Variants in SLC41A2 observed in about 807,000 individuals in gnomAD.
The protein encoded by SLC41A2 is SLC41A1-like 1.
Under a neutral mutation model 58.3 loss-of-function variants are expected in SLC41A2, and 32 were observed. The ratio of observed to expected loss-of-function variants is 0.55; its 90% CI spans 0.41 to 0.74. SLC41A2 has a LOEUF of 0.74. Among genes scored for constraint, SLC41A2 ranks in the 30% least tolerant of loss-of-function variants. The probability of loss-of-function intolerance (pLI) is 0.00; values close to 1 mark genes in which losing one functional copy is unlikely to be tolerated. For missense variants in SLC41A2, 514 were observed against 680.6 expected, an observed-to-expected ratio of 0.76 and a Z score of 2.72; for synonymous variants, 190 against 235.0, an observed-to-expected ratio of 0.81 and a Z score of 1.75.
At chr12:104,933,083 C>T (rs1308359956) in intron 1 of SLC41A2, among the ~76,000 whole-genome samples, 1 of 152,046 alleles carries the variant, frequency 6.6e-6, no homozygotes, top group Non-Finnish European at 1.5e-5. Context: ...AAACAATCAT[C>T]AGAGTAAACA....
At chr12:104,956,386 TA>T (rs1180309958) in intron 1 of SLC41A2, among the ~76,000 whole-genome samples, 1 of 152,100 alleles carries the variant, frequency 6.6e-6, no homozygotes, top group Non-Finnish European at 1.5e-5. Context: ...AATAAAAAGC[TA>T]AGCAACCCAG....
chr12:104,935,860 C>T (rs1036207681), intron 1 of SLC41A2, among the ~76,000 whole-genome samples: 7 of 151,966 alleles, frequency 4.6e-5, no homozygotes, highest in Non-Finnish European at 8.8e-5. Context: ...CTGGCCAACA[C>T]GGCGAAACCC....
At chr12:104,817,792 C>T (rs925644128) in intron 10 of SLC41A2, among the ~76,000 whole-genome samples, 4 of 151,368 alleles carry the variant, frequency 2.6e-5, no homozygotes, top group African/African-American at 9.7e-5. Context: ...AGATAACTAG[C>T]GTACACACTA....
At chr12:104,917,416 GC>G (rs2046375738) in intron 2 of SLC41A2, among the ~76,000 whole-genome samples, 1 of 152,188 alleles carries the variant, frequency 6.6e-6, no homozygotes, top group African/African-American at 2.4e-5. Context: ...AGACAGTGTG[GC>G]GATTCCTCGG....
intron 7 of SLC41A2, among the ~76,000 whole-genome samples, chr12:104,863,311 T>C (rs892164087): frequency 6.6e-6 from 1 of 152,108 alleles, no homozygotes; most frequent in Non-Finnish European, 1.5e-5. Context: ...GGTGCATGCC[T>C]GTAGTCCCGG....
intron 6 of SLC41A2, among the ~76,000 whole-genome samples, chr12:104,877,603 A>G (rs1253629388): frequency 6.6e-6 from 1 of 152,194 alleles, no homozygotes; most frequent in Non-Finnish European, 1.5e-5. Context: ...CAAATTATGT[A>G]TGCATCACTA....
At chr12:104,866,373 G>GATGT (rs2043445453) in intron 7 of SLC41A2, 59 bp downstream of exon 7, 1 of 1,436,140 alleles carries the variant, frequency 7.0e-7, no homozygotes, top group African/African-American at 1.7e-5. Context: ...CACAAAGACA[G>GATGT]ACAGACGTAC....
In SLC41A2 at chr12:104,903,320, TTTC is replaced by T. The variant is rs540202129; in HGVS notation, c.663+6332_663+6334del. ...TCCTCTGTTTAAAACCTTCCATTGG[TTTC>T]TTATCTCACAAACTAGGCAAATCCG... On this transcript the variant is annotated intron_variant, in intron 3 of 10. Transcript: ENST00000258538. 3.4e-3 allele frequency among the ~76,000 whole-genome samples: 511 copies of T among 152,330 alleles called. 1 individual carries two copies. Among genetic ancestry groups the T allele is most frequent in the Middle Eastern group, 0.024 (7 of 294 alleles).
intron 8 of SLC41A2, among the ~76,000 whole-genome samples, chr12:104,850,636 G>A (rs1389107904): frequency 6.6e-6 from 1 of 152,134 alleles, no homozygotes; most frequent in Non-Finnish European, 1.5e-5. Context: ...CACTTTTTGT[G>A]CCAATGCACC....
intron 1 of SLC41A2, among the ~76,000 whole-genome samples, chr12:104,956,563 C>T (rs1455757875): frequency 6.6e-6 from 1 of 152,094 alleles, no homozygotes; most frequent in Non-Finnish European, 1.5e-5. Flanking sequence ...CCTGTAGTCC[C>T]AGCTACTTGG....
intron 1 of SLC41A2, among the ~76,000 whole-genome samples, chr12:104,928,945 T>C (rs2046954062): frequency 6.6e-6 from 1 of 152,230 alleles, no homozygotes; most frequent in East Asian, 1.9e-4. Flanking sequence ...TTGCATACTT[T>C]ATGTGATCAA....
At chr12:104,879,398 G>A (rs1392816663) in intron 6 of SLC41A2, among the ~76,000 whole-genome samples, 3 of 152,174 alleles carry the variant, frequency 2.0e-5, no homozygotes, top group Admixed American at 6.6e-5. Flanking sequence ...CCTATGTCCC[G>A]AATGGTATTG....
intron 8 of SLC41A2, among the ~76,000 whole-genome samples, chr12:104,849,645 T>C (rs2042728590): frequency 6.6e-6 from 1 of 152,106 alleles, no homozygotes; most frequent in South Asian, 2.1e-4. Context: ...CTGGGCAATA[T>C]AGTGAGACTT....
Position 104,802,726 on chromosome 12 carries a change from C to T in SLC41A2, c.*2426G>A, listed in dbSNP as rs1445562960. The T allele has an allele frequency of 3.3e-5, 5 of 152,156 alleles. No homozygotes were observed. The highest frequency in any genetic ancestry group is 7.4e-5 in the Non-Finnish European group (5 of 68,002). The allele number at this position is 152,156 out of a possible 1,614,324, so 9.4% of individuals were successfully genotyped here. ...TGAATAATTTAGAGCTGGCAATACTCACCATCAGGATATAATAAACGGAGG... is the reference window on the plus strand; with the variant it reads ...TGAATAATTTAGAGCTGGCAATACTTACCATCAGGATATAATAAACGGAGG... On this transcript the variant is annotated 3_prime_UTR_variant, in exon 11 of 11. Transcript: ENST00000258538.
intron 3 of SLC41A2, among the ~76,000 whole-genome samples, chr12:104,908,250 A>G (rs896282403): frequency 2.0e-5 from 3 of 152,190 alleles, no homozygotes; most frequent in Non-Finnish European, 2.9e-5. Context: ...GGGCAACAAC[A>G]AGATTCCGTC....
intron 4 of SLC41A2, among the ~76,000 whole-genome samples, chr12:104,893,678 A>G (rs2045130113): frequency 1.3e-5 from 2 of 152,374 alleles, no homozygotes; most frequent in South Asian, 4.1e-4. Flanking sequence ...TTCAGCCATA[A>G]AAAAGAATGA....
In SLC41A2 at chr12:104,878,464, C is replaced by T. The variant is rs1021143138; in HGVS notation, c.1027+7829G>A. ...TCTCCCAATGCTATCCCTCCCCCGT[C>T]CCCCCACCCCACCACAGGCCCTGGT... On this transcript the variant is annotated intron_variant, in intron 6 of 10. Transcript: ENST00000258538. Among the ~76,000 whole-genome samples, 5 of 151,154 alleles carry T rather than the reference C, an allele frequency of 3.3e-5. No individual in the cohort carries two copies. In the East Asian group the frequency reaches 7.8e-4, roughly 24 times the overall value.
chr12:104,917,912 T>C (rs1475563919), intron 2 of SLC41A2, among the ~76,000 whole-genome samples: 3 of 149,706 alleles, frequency 2.0e-5, no homozygotes, highest in African/African-American at 4.9e-5. Context: ...GCATGGCACA[T>C]GTATACATAT....
At chr12:104,895,996 G>A (rs140033221) in intron 3 of SLC41A2, among the ~76,000 whole-genome samples, 247 of 152,246 alleles carry the variant, frequency 1.6e-3, no homozygotes, top group African/African-American at 5.5e-3. Flanking sequence ...TTCAAAAAGT[G>A]TATTTCCAAA....
Sources: allele counts gnomAD v4.1 joint callset (sites outside exome capture counted in the v4.1 genomes callset), GRCh38; gene constraint gnomAD v4.1.1; transcripts MANE v1.5; gene names NCBI Gene and HGNC (gene_info 2026-07-23, HGNC 2026-07-21).